The following ZBTB25 variants were observed in gnomAD, a reference collection of about 807,000 sequenced individuals.
ZBTB25 encodes the protein zinc finger and BTB domain-containing protein 25.
A neutral mutation model predicts 34.2 loss-of-function variants in ZBTB25; 20 were observed. That is an observed-to-expected ratio of 0.58 (90% CI 0.41 to 0.85). The LOEUF (loss-of-function observed/expected upper bound fraction) is 0.85. Among genes scored for constraint, ZBTB25 ranks in the 40% least tolerant of loss-of-function variants. The pLI, the probability that ZBTB25 is intolerant of heterozygous loss-of-function variation, is 0.00. For synonymous variants in ZBTB25, 175 were observed against 186.4 expected (o/e 0.94, Z 0.50); for missense variants, 437 against 521.8 (o/e 0.84, Z 1.58).
At chr14:64,458,101 G>A in intron 2 of ZBTB25, 1 of 829,276 alleles carries the variant, frequency 1.2e-6, no homozygotes, top group Non-Finnish European at 2.1e-6. Flanking sequence ...ATGTTGCCCA[G>A]GGTGGTTTAG....
chr14:64,468,810 G>A, intron 2 of ZBTB25: 1 of 1,614,204 alleles, frequency 6.2e-7, no homozygotes, highest in African/African-American at 1.3e-5. Flanking sequence ...CCAAAAAGGA[G>A]TAATCATTCC....
chr14:64,503,020 C>T, intron 1 of ZBTB25: 2 of 985,346 alleles, frequency 2.0e-6, no homozygotes, highest in Non-Finnish European at 2.4e-6. Flanking sequence ...TGCTAGGTGC[C>T]GTCAGGTTCC....
At chr14:64,470,790 G>A (rs1363963750) in intron 2 of ZBTB25, 1 of 166,716 alleles carries the variant, frequency 6.0e-6, no homozygotes, top group Non-Finnish European at 1.5e-5. Context: ...CAAAACAAGG[G>A]GAATATTATT....
intron 2 of ZBTB25, among the ~76,000 whole-genome samples, chr14:64,464,260 G>A (rs2078587335): frequency 6.9e-6 from 1 of 145,446 alleles, no homozygotes; most frequent in Non-Finnish European, 1.6e-5. Flanking sequence ...CAAACTCTTG[G>A]ACTCAAGCCA....
chr14:64,461,508 TC>T (rs1303951921), intron 2 of ZBTB25: 2 of 151,952 alleles, frequency 1.3e-5, no homozygotes, highest in East Asian at 3.9e-4. Flanking sequence ...ACTTGTCAGT[TC>T]CTGTTGCACA....
At chr14:64,453,989 C>T in intron 2 of ZBTB25, 1 of 703,316 alleles carries the variant, frequency 1.4e-6, no homozygotes. Context: ...CTTCTCTCCT[C>T]TGAAATACTG....
exon 3 of ZBTB25, chr14:64,449,430 A>G (rs745318514): frequency 6.2e-7 from 1 of 1,612,408 alleles, no homozygotes; most frequent in Non-Finnish European, 8.5e-7. Flanking sequence ...TTGATATGAA[A>G]TGCTTCCTTT....
chr14:64,495,981 C>G (rs1374089724), intron 1 of ZBTB25, among the ~76,000 whole-genome samples: 1 of 150,848 alleles, frequency 6.6e-6, no homozygotes, highest in Non-Finnish European at 1.5e-5. Flanking sequence ...AAAAGTGTAT[C>G]AAGTTTATAG....
intron 1 of ZBTB25, among the ~76,000 whole-genome samples, chr14:64,497,543 A>G (rs1376469190): frequency 6.6e-6 from 1 of 152,188 alleles, no homozygotes. Flanking sequence ...TGAGTGCTAC[A>G]TTTTTAAAAG....
intron 2 of ZBTB25, among the ~76,000 whole-genome samples, chr14:64,456,089 C>T (rs566180294): frequency 2.7e-4 from 41 of 152,284 alleles, no homozygotes; most frequent in Middle Eastern, 3.4e-3. Context: ...TAGCTGTACT[C>T]TTTCTTGTCA....
downstream of ZBTB25, among the ~76,000 whole-genome samples, chr14:64,477,680 C>T (rs564527056): frequency 5.3e-5 from 8 of 152,302 alleles, no homozygotes; most frequent in East Asian, 1.5e-3. Context: ...TTCAGGTTTT[C>T]CTCCCTATAT....
Position 64,494,939 on chromosome 14 carries a change from T to C in ZBTB25, c.-7-4399A>G, listed in dbSNP as rs144557397. Among the ~76,000 whole-genome samples the C allele has an allele frequency of 7.1e-3, 1,075 of 152,380 alleles. 17 individuals carry two copies. The highest frequency in any genetic ancestry group is 0.024 in the African/African-American group (1,006 of 41,590). ...AATCTATTCAAGATTGTTTCAGATATTGTATTTTCAGATGTAAAATTTTCA... is the reference window on the plus strand; with the variant it reads ...AATCTATTCAAGATTGTTTCAGATACTGTATTTTCAGATGTAAAATTTTCA... On this transcript the variant is annotated intron_variant, in intron 1 of 2. Coordinates refer to ENST00000608382, the MANE Select transcript of ZBTB25 (RefSeq NM_006977.5).
intron 2 of ZBTB25, among the ~76,000 whole-genome samples, chr14:64,451,612 C>T (rs1425218694): frequency 6.6e-6 from 1 of 152,250 alleles, no homozygotes; most frequent in Non-Finnish European, 1.5e-5. Context: ...GGCTCCAATG[C>T]ATAGCACCCA....
chr14:64,449,924 G>T (rs1443360647), intron 2 of ZBTB25, among the ~76,000 whole-genome samples: 2 of 152,204 alleles, frequency 1.3e-5, no homozygotes, highest in African/African-American at 2.4e-5. Flanking sequence ...AAGTAGCTGG[G>T]ATTACAGGCG....
chr14:64,464,341 A>G (rs753814157), intron 2 of ZBTB25, among the ~76,000 whole-genome samples: 2 of 152,098 alleles, frequency 1.3e-5, no homozygotes, highest in African/African-American at 2.4e-5. Flanking sequence ...CTGAATTCTT[A>G]ATTACAACTA....
intron 2 of ZBTB25, chr14:64,465,418 C>CCGCT (rs1016729819): frequency 2.0e-5 from 3 of 151,426 alleles, no homozygotes; most frequent in African/African-American, 7.3e-5. Flanking sequence ...CCCTGCCCGC[C>CCGCT]CGCTCCGCTC....
downstream of ZBTB25, among the ~76,000 whole-genome samples, chr14:64,477,786 A>G (rs970121089): frequency 6.6e-6 from 1 of 152,202 alleles, no homozygotes; most frequent in African/African-American, 2.4e-5. Flanking sequence ...CTATAGAAAA[A>G]ATGTGGCAGT....
At chr14:64,468,595 A>G (rs1376512444) in intron 2 of ZBTB25, 1 of 1,613,930 alleles carries the variant, frequency 6.2e-7, no homozygotes, top group Admixed American at 1.7e-5. Flanking sequence ...AAGAAGCAGG[A>G]GCTTCTGATC....
chr14:64,449,333 GTTAGTGTTCGT>G, exon 3 of ZBTB25: 5 of 1,283,734 alleles, frequency 3.9e-6, no homozygotes, highest in Non-Finnish European at 5.6e-6. Context: ...AAATTTCTTG[GTTAGTGTTCGT>G]TTATCAGTGG....
Sources: allele counts gnomAD v4.1 joint callset (sites outside exome capture counted in the v4.1 genomes callset), GRCh38; gene constraint gnomAD v4.1.1; transcripts MANE v1.5; gene names NCBI Gene and HGNC (gene_info 2026-07-23, HGNC 2026-07-21).